Variants in RASSF3 observed in about 807,000 individuals in gnomAD.
RASSF3 encodes Ras association domain family member 3.
A neutral mutation model predicts 19.9 loss-of-function variants in RASSF3; 19 were observed. The observed-to-expected ratio is 0.96, with a 90% confidence interval of 0.67 to 1.40. The LOEUF (loss-of-function observed/expected upper bound fraction) is 1.40. RASSF3 is among the 40% of genes most tolerant of loss of function. RASSF3 has a pLI of 0.00. For synonymous variants in RASSF3, 110 were observed against 104.2 expected (o/e 1.06, Z -0.34); for missense variants, 306 against 289.8 (o/e 1.06, Z -0.41).
chr12:64,542,649 G>A (rs760159082), downstream of RASSF3, among the ~76,000 whole-genome samples: 13 of 152,200 alleles, frequency 8.5e-5, no homozygotes, highest in Non-Finnish European at 1.3e-4. Context: ...CAACACTTTG[G>A]GAGGCCGAGG....
At position 64,661,677 on chromosome 12, in the gene RASSF3, CTTTTTTTT is replaced by C. The variant is rs71092993; in HGVS notation, c.112-23094_112-23087del. On this transcript the variant is annotated intron_variant, in intron 1 of 4. Transcript: ENST00000542104. ...AGACCCCATCTCTCTTTTTCTTTTT[CTTTTTTTT>C]TTTTTTTTTTTTTTTGAGACAGGGT... is the stretch of plus-strand genomic sequence containing the variant. Among the ~76,000 whole-genome samples the C allele has an allele frequency of 6.8e-4, 54 of 78,992 alleles. No individual in the cohort carries two copies. In the East Asian group the frequency reaches 7.0e-3, roughly 10 times the overall value. 51.8% of individuals were successfully genotyped at this position (78,992 alleles called of 152,430 possible).
At chr12:64,525,105 A>G (rs1211811990) in intron 1 of RASSF3, among the ~76,000 whole-genome samples, 2 of 151,998 alleles carry the variant, frequency 1.3e-5, no homozygotes, top group Non-Finnish European at 2.9e-5. Context: ...GTGAAACCCC[A>G]TCTCTACTAC....
At chr12:64,554,527 A>T (rs1869221655) in intron 2 of RASSF3, among the ~76,000 whole-genome samples, 2 of 152,096 alleles carry the variant, frequency 1.3e-5, no homozygotes, top group South Asian at 4.2e-4. Context: ...CTGGTCTCGA[A>T]CTCCTGAACT....
chr12:64,645,835 G>T (rs1283412509), intron 1 of RASSF3, among the ~76,000 whole-genome samples: 3 of 152,134 alleles, frequency 2.0e-5, no homozygotes, highest in East Asian at 3.9e-4. Flanking sequence ...CCCAGATGTA[G>T]AAATGCAGTA....
intron 2 of RASSF3, among the ~76,000 whole-genome samples, chr12:64,597,910 A>T (rs1451293327): frequency 1.3e-5 from 2 of 151,416 alleles, no homozygotes; most frequent in Non-Finnish European, 2.9e-5. Flanking sequence ...AGGCTTCCTG[A>T]CCAAATCTTT....
intron 1 of RASSF3, among the ~76,000 whole-genome samples, chr12:64,633,898 C>T (rs1338985735): frequency 1.3e-5 from 2 of 152,112 alleles, no homozygotes; most frequent in Admixed American, 6.5e-5. Flanking sequence ...CTTTGGGAGG[C>T]TGAGGTGGGA....
intron 2 of RASSF3, among the ~76,000 whole-genome samples, chr12:64,602,805 C>T (rs1347341634): frequency 6.6e-6 from 1 of 151,672 alleles, no homozygotes; most frequent in African/African-American, 2.4e-5. Context: ...TTTACTCTCC[C>T]AAACTCAGGG....
upstream of RASSF3, among the ~76,000 whole-genome samples, chr12:64,532,423 C>A (rs1266787997): frequency 2.6e-5 from 4 of 152,310 alleles, no homozygotes; most frequent in African/African-American, 9.6e-5. Context: ...CTCATAAATG[C>A]AAATTTTCTG....
intron 1 of RASSF3, among the ~76,000 whole-genome samples, chr12:64,638,122 C>G (rs1352293678): frequency 6.6e-6 from 1 of 152,082 alleles, no homozygotes; most frequent in Non-Finnish European, 1.5e-5. Flanking sequence ...GAGCCTACGC[C>G]CCCGGCCTAG....
rs543608031 is a variant in RASSF3 at position 64,610,694 on chromosome 12, C to G, written c.62C>G (p.Thr21Ser). 1.3e-6 allele frequency: 2 copies of G among 1,596,186 alleles called. No homozygotes were observed. The highest frequency in any genetic ancestry group is 2.2e-5 in the South Asian group (2 of 89,316). ...DAEDFFFTARTSFFRRAPQGK... is the reference protein window; with the variant it reads ...DAEDFFFTARSSFFRRAPQGK... ...GAGGACTTCTTCTTCACCGCCAGGA[C>G]CTCCTTCTTCAGGAGAGCGCCCCAG... Residue 21 changes from threonine to serine, a missense_variant, in exon 1 of 5, where the codon ACC becomes AGC. By Grantham distance (58) the Thr-to-Ser change is moderately conservative. Transcript: ENST00000542104.
chr12:64,551,985 C>T (rs1869172246), intron 2 of RASSF3, among the ~76,000 whole-genome samples: 1 of 152,164 alleles, frequency 6.6e-6, no homozygotes, highest in African/African-American at 2.4e-5. Flanking sequence ...AAACAGCTTT[C>T]CAAAAGCCAT....
chr12:64,661,581 G>A (rs920808758), intron 1 of RASSF3, among the ~76,000 whole-genome samples: 7 of 151,970 alleles, frequency 4.6e-5, no homozygotes, highest in African/African-American at 1.2e-4. Flanking sequence ...GTCCTAGCTA[G>A]CTGCTTGGGA....
In RASSF3 at chr12:64,626,308, G is replaced by A. The variant is rs544072039; in HGVS notation, c.111+15565G>A. 2.0e-5 allele frequency among the ~76,000 whole-genome samples: 3 copies of A among 151,990 alleles called. No individual in the cohort carries two copies. The East Asian group carries it at 5.8e-4, about 29-fold the overall frequency. On this transcript the variant is annotated intron_variant, in intron 1 of 4. Coordinates refer to ENST00000542104, the MANE Select transcript of RASSF3 (RefSeq NM_178169.4). ...CCAACACTTTGGGAGGCCGAGGTGGGCAGATCACTTGAGGTCAGGAGTTTG... is the reference window on the plus strand; with the variant it reads ...CCAACACTTTGGGAGGCCGAGGTGGACAGATCACTTGAGGTCAGGAGTTTG...
At chr12:64,565,298 C>T (rs540247834) in intron 2 of RASSF3, among the ~76,000 whole-genome samples, 2 of 152,150 alleles carry the variant, frequency 1.3e-5, no homozygotes, top group South Asian at 2.1e-4. Context: ...AAGAGCTGGC[C>T]AGGCGTGGTG....
At chr12:64,635,327 A>G (rs1457374981) in intron 1 of RASSF3, among the ~76,000 whole-genome samples, 2 of 152,046 alleles carry the variant, frequency 1.3e-5, no homozygotes, top group Admixed American at 6.6e-5. Flanking sequence ...GTTTTATAGT[A>G]TCACACATTT....
intron 1 of RASSF3, among the ~76,000 whole-genome samples, chr12:64,618,841 C>T (rs1294350510): frequency 2.6e-5 from 4 of 151,838 alleles, no homozygotes; most frequent in African/African-American, 9.7e-5. Flanking sequence ...GCAATCGAAA[C>T]GTGGCTAGTC....
chr12:64,563,361 G>T (rs1327996863), intron 2 of RASSF3, among the ~76,000 whole-genome samples: 1 of 151,542 alleles, frequency 6.6e-6, no homozygotes, highest in East Asian at 1.9e-4. Flanking sequence ...GTAGAGATGG[G>T]GTTTCACCAT....
intron 2 of RASSF3, among the ~76,000 whole-genome samples, chr12:64,598,189 G>A (rs1350699058): frequency 1.3e-5 from 2 of 152,202 alleles, no homozygotes; most frequent in Non-Finnish European, 2.9e-5. Context: ...AAAGTGCTGG[G>A]ATTACAGGCG....
chr12:64,654,012 G>A (rs1039854375), intron 1 of RASSF3: 6 of 152,264 alleles, frequency 3.9e-5, no homozygotes, highest in African/African-American at 9.7e-5. Flanking sequence ...GTCTGGTTTG[G>A]AAAAGGATGA....
Sources: gnomAD v4.1 joint callset for allele counts (sites outside exome capture counted in the v4.1 genomes callset) on GRCh38, gnomAD v4.1.1 for gene constraint, MANE v1.5 for transcripts, NCBI Gene and HGNC (gene_info 2026-07-23, HGNC 2026-07-21) for gene names.